CNIH3: variants seen among roughly 807,000 people sequenced by gnomAD.
CNIH3 encodes the protein protein cornichon homolog 3.
Under a neutral mutation model 24.1 loss-of-function variants are expected in CNIH3, and 14 were observed. The ratio of observed to expected loss-of-function variants is 0.58; its 90% confidence interval spans 0.38 to 0.91. CNIH3 has a LOEUF of 0.91. Among genes scored for constraint, CNIH3 ranks in the 40% least tolerant of loss-of-function variants. The pLI is 0.00. For synonymous variants in CNIH3, 68 were observed against 73.8 expected (o/e 0.92, Z 0.40); for missense variants, 178 against 196.8 (o/e 0.90, Z 0.57).
At chr1:224,557,177 GC>G (rs1351690279) in intron 3 of CNIH3, among the ~76,000 whole-genome samples, 2 of 151,978 alleles carry the variant, frequency 1.3e-5, no homozygotes, top group Non-Finnish European at 2.9e-5. Context: ...AGTAGCTGGG[GC>G]CACAGGCATG....
At chr1:224,659,253 C>T (rs1318304461) in intron 1 of CNIH3, among the ~76,000 whole-genome samples, 1 of 152,144 alleles carries the variant, frequency 6.6e-6, no homozygotes, top group Non-Finnish European at 1.5e-5. Context: ...GGAGTAGGTG[C>T]CTTTTTCAGA....
intron 3 of CNIH3, among the ~76,000 whole-genome samples, chr1:224,594,767 A>G (rs1359132487): frequency 6.6e-6 from 1 of 152,152 alleles, no homozygotes; most frequent in Admixed American, 6.5e-5. Flanking sequence ...GCAGAGGAAT[A>G]TTGCTTCTTG....
intron 1 of CNIH3, among the ~76,000 whole-genome samples, chr1:224,450,566 G>A (rs191023683): frequency 6.6e-6 from 1 of 152,332 alleles, no homozygotes; most frequent in African/African-American, 2.4e-5. Context: ...ACCCTGGTTA[G>A]CTAAAGCCAA....
intron 1 of CNIH3, among the ~76,000 whole-genome samples, chr1:224,676,567 A>C (rs1336779076): frequency 6.6e-6 from 1 of 152,228 alleles, no homozygotes; most frequent in African/African-American, 2.4e-5. Flanking sequence ...AAGTTCACCT[A>C]AAGTTCAGCA....
chr1:224,477,381 T>G (rs187310373), intron 1 of CNIH3, among the ~76,000 whole-genome samples: 289 of 152,370 alleles, frequency 1.9e-3, no homozygotes, highest in Admixed American at 4.1e-3. Context: ...ACAAATTCTT[T>G]AGGAGATTCT....
chr1:224,616,667 C>T lies in CNIH3; in HGVS notation c.-508C>T, dbSNP rs1347286121. On this transcript the variant is annotated 5_prime_UTR_variant, in exon 1 of 6. Transcript: ENST00000272133. ...TGGGATTTGGGAGGAGCTCGGAGGCCGCTCGGGCACCTCGCTGGACACTAT... is the reference window on the plus strand; with the variant it reads ...TGGGATTTGGGAGGAGCTCGGAGGCTGCTCGGGCACCTCGCTGGACACTAT... 1.0e-6 allele frequency: 1 copy of T among 988,162 alleles called. No individual in the cohort carries two copies. Among genetic ancestry groups the T allele is most frequent in the African/African-American group, 1.7e-5 (1 of 57,280 alleles). 61.2% of individuals were successfully genotyped at this position (988,162 alleles called of 1,614,324 possible).
chr1:224,626,813 G>A (rs779207737), intron 1 of CNIH3, among the ~76,000 whole-genome samples: 1 of 152,198 alleles, frequency 6.6e-6, no homozygotes, highest in African/African-American at 2.4e-5. Context: ...CCGTAGATAT[G>A]TCTATTTATT....
At chr1:224,725,644 C>T (rs1359930094) in intron 3 of CNIH3, among the ~76,000 whole-genome samples, 1 of 152,148 alleles carries the variant, frequency 6.6e-6, no homozygotes, top group Non-Finnish European at 1.5e-5. Context: ...CATGCTGACA[C>T]CAGCCCCTCA....
intron 3 of CNIH3, among the ~76,000 whole-genome samples, chr1:224,697,598 G>A (rs973201831): frequency 2.6e-5 from 4 of 152,098 alleles, no homozygotes; most frequent in Non-Finnish European, 4.4e-5. Context: ...AGTCATCCAC[G>A]AGCCACGTGC....
intron 3 of CNIH3, among the ~76,000 whole-genome samples, chr1:224,603,064 G>A (rs1682272838): frequency 6.6e-6 from 1 of 152,188 alleles, no homozygotes; most frequent in South Asian, 2.1e-4. Flanking sequence ...TATTTAAAGG[G>A]GAAAAGCAGG....
At chr1:224,518,329 A>AT (rs1304903846) in intron 1 of CNIH3, among the ~76,000 whole-genome samples, 1 of 152,052 alleles carries the variant, frequency 6.6e-6, no homozygotes, top group Non-Finnish European at 1.5e-5. Context: ...CTTATTTTTT[A>AT]TTTTTATTTA....
chr1:224,486,789 T>G (rs2124835568), intron 1 of CNIH3, among the ~76,000 whole-genome samples: 1 of 152,306 alleles, frequency 6.6e-6, no homozygotes, highest in East Asian at 1.9e-4. Flanking sequence ...GATGATTGTT[T>G]GGATTAGAAA....
chr1:224,713,003 A>G (rs915184391), intron 3 of CNIH3, among the ~76,000 whole-genome samples: 2 of 152,204 alleles, frequency 1.3e-5, no homozygotes, highest in Non-Finnish European at 2.9e-5. Context: ...CCCTGACAAA[A>G]AGGTTAACAT....
At chr1:224,652,228 G>A (rs1264567091) in intron 1 of CNIH3, among the ~76,000 whole-genome samples, 1 of 152,040 alleles carries the variant, frequency 6.6e-6, no homozygotes, top group Non-Finnish European at 1.5e-5. Context: ...CTGGCCAGAG[G>A]CATGACCAGA....
chr1:224,622,112 A>G (rs1683311705), intron 1 of CNIH3, among the ~76,000 whole-genome samples: 1 of 152,172 alleles, frequency 6.6e-6, no homozygotes, highest in Non-Finnish European at 1.5e-5. Flanking sequence ...TTCTTTGTAA[A>G]TTACCCAGTC....
intron 1 of CNIH3, among the ~76,000 whole-genome samples, chr1:224,473,192 A>G (rs547155103): frequency 5.3e-4 from 80 of 152,374 alleles, no homozygotes; most frequent in African/African-American, 1.9e-3. Flanking sequence ...ATACACAAAA[A>G]TTAAAAAGCA....
At chr1:224,682,254 G>C (rs1686438062) in intron 2 of CNIH3, among the ~76,000 whole-genome samples, 1 of 152,116 alleles carries the variant, frequency 6.6e-6, no homozygotes, top group Admixed American at 6.5e-5. Flanking sequence ...TCACAATAAT[G>C]CTATGAGACA....
intron 1 of CNIH3, among the ~76,000 whole-genome samples, chr1:224,452,331 G>T (rs1675436471): frequency 6.6e-6 from 1 of 151,598 alleles, no homozygotes; most frequent in Admixed American, 6.6e-5. Flanking sequence ...TGTATTTTTA[G>T]TAGGGACAGG....
chr1:224,573,992 G>T (rs1489870467), intron 4 of CNIH3, among the ~76,000 whole-genome samples: 5 of 151,988 alleles, frequency 3.3e-5, no homozygotes, highest in Non-Finnish European at 5.9e-5. Flanking sequence ...TTGAACTCCT[G>T]GGCTCAAGGA....
Sources: allele counts gnomAD v4.1 joint callset (sites outside exome capture counted in the v4.1 genomes callset), GRCh38; gene constraint gnomAD v4.1.1; transcripts MANE v1.5; gene names NCBI Gene and HGNC (gene_info 2026-07-23, HGNC 2026-07-21).